STK3: variants seen among roughly 807,000 people sequenced by gnomAD.
STK3 encodes the protein serine/threonine kinase 3.
In STK3, 41 loss-of-function variants were observed where a neutral mutation model predicts 58.0. That is an observed-to-expected ratio of 0.71 (90% CI 0.55 to 0.92). STK3 has a LOEUF of 0.92. Among genes scored for constraint, STK3 ranks in the 40% least tolerant of loss-of-function variants. The pLI is 0.00. For synonymous variants in STK3, 170 were observed against 191.0 expected, an observed-to-expected ratio of 0.89 and a Z score of 0.91; for missense variants, 479 against 602.7, an observed-to-expected ratio of 0.79 and a Z score of 2.15.
At chr8:98,741,979 A>G (rs1303458835) in intron 4 of STK3, among the ~76,000 whole-genome samples, 1 of 152,202 alleles carries the variant, frequency 6.6e-6, no homozygotes, top group East Asian at 1.9e-4. Flanking sequence ...TAGAAAATCT[A>G]GAAGAAATGG....
At chr8:98,399,337 G>T (rs922474984), downstream of STK3, among the ~76,000 whole-genome samples, 1 of 152,216 alleles carries the variant, frequency 6.6e-6, no homozygotes, top group African/African-American at 2.4e-5. Context: ...ACTGTGTGCC[G>T]GGCTACAAGC....
chr8:98,708,806 A>G (rs1826161244), intron 4 of STK3, among the ~76,000 whole-genome samples: 2 of 151,974 alleles, frequency 1.3e-5, no homozygotes, highest in Non-Finnish European at 2.9e-5. Context: ...AAGATATTTT[A>G]TCTTTGTTTT....
chr8:98,765,823 TA>T (rs1830912260), intron 3 of STK3, among the ~76,000 whole-genome samples: 2 of 152,340 alleles, frequency 1.3e-5, no homozygotes, highest in East Asian at 3.9e-4. Flanking sequence ...TGTGGTTAAG[TA>T]ACTTTAGGCT....
At chr8:98,741,090 T>C (rs1829164667) in intron 4 of STK3, among the ~76,000 whole-genome samples, 1 of 152,194 alleles carries the variant, frequency 6.6e-6, no homozygotes, top group Non-Finnish European at 1.5e-5. Context: ...CCCAGATTCA[T>C]AAAGCAAGTC....
At chr8:98,372,971 T>G (rs777808447) in intron 2 of STK3, among the ~76,000 whole-genome samples, 1 of 152,214 alleles carries the variant, frequency 6.6e-6, no homozygotes, top group African/African-American at 2.4e-5. Context: ...CTTACTCTGG[T>G]TATAATGGTT....
chr8:98,636,718 G>A (rs570416036), intron 6 of STK3, among the ~76,000 whole-genome samples: 3 of 151,996 alleles, frequency 2.0e-5, no homozygotes, highest in East Asian at 3.9e-4. Context: ...TCAAAATGAC[G>A]CTTTCAAAAT....
the STK3 span, among the ~76,000 whole-genome samples, chr8:98,347,007 C>G: frequency 2.0e-5 from 3 of 151,138 alleles, no homozygotes; most frequent in East Asian, 1.9e-4. Context: ...TATGTGAAAA[C>G]AAAATGTATA....
chr8:98,456,907 C>T (rs1217479929), intron 10 of STK3, among the ~76,000 whole-genome samples: 1 of 152,204 alleles, frequency 6.6e-6, no homozygotes, highest in Non-Finnish European at 1.5e-5. Flanking sequence ...GTGACTTCTG[C>T]TTCCAAAAAC....
chr8:98,741,728 C>T (rs979292730), intron 4 of STK3, among the ~76,000 whole-genome samples: 1 of 151,896 alleles, frequency 6.6e-6, no homozygotes, highest in African/African-American at 2.4e-5. Context: ...TAGCAGAAGG[C>T]AAGAAATAAC....
intron 1 of STK3, among the ~76,000 whole-genome samples, chr8:98,927,144 C>T (rs1839829997): frequency 6.6e-6 from 1 of 152,240 alleles, no homozygotes; most frequent in Non-Finnish European, 1.5e-5. Context: ...CACTTTAGGG[C>T]TACATTAGGC....
intron 4 of STK3, among the ~76,000 whole-genome samples, chr8:98,715,351 C>T (rs1431014225): frequency 6.6e-6 from 1 of 151,882 alleles, no homozygotes; most frequent in Non-Finnish European, 1.5e-5. Flanking sequence ...AGGCAACCTA[C>T]AGAATGGGAG....
chr8:98,877,711 G>A (rs952915355), intron 3 of STK3, among the ~76,000 whole-genome samples: 5 of 151,968 alleles, frequency 3.3e-5, no homozygotes, highest in African/African-American at 7.3e-5. Context: ...TCGAACTCCC[G>A]ACCTCAGGTG....
At chr8:98,765,438 C>T (rs1207714045) in intron 3 of STK3, among the ~76,000 whole-genome samples, 1 of 152,134 alleles carries the variant, frequency 6.6e-6, no homozygotes, top group Non-Finnish European at 1.5e-5. Flanking sequence ...ATCTATAGAT[C>T]CTATGTATTG....
At chr8:98,441,059 A>G (rs1038416923) in intron 1 of STK3, among the ~76,000 whole-genome samples, 1 of 152,236 alleles carries the variant, frequency 6.6e-6, no homozygotes. Context: ...CCACAACACT[A>G]GAAGGTAGAT....
At chr8:98,544,654 A>G (rs1295125338) in intron 9 of STK3, among the ~76,000 whole-genome samples, 2 of 29,994 alleles carry the variant, frequency 6.7e-5, no homozygotes, top group Non-Finnish European at 1.4e-4. Flanking sequence ...ACTATAACAC[A>G]CACACACACA....
chr8:98,540,074 AACATG>A (rs1810114194), intron 9 of STK3, among the ~76,000 whole-genome samples: 1 of 152,154 alleles, frequency 6.6e-6, no homozygotes, highest in Non-Finnish European at 1.5e-5. Context: ...TTCTTAATAC[AACATG>A]GTCTCCACCT....
At chr8:98,585,639 A>T (rs1270961606) in intron 7 of STK3, among the ~76,000 whole-genome samples, 1 of 150,868 alleles carries the variant, frequency 6.6e-6, no homozygotes, top group African/African-American at 2.4e-5. Flanking sequence ...GAAGAAAGTC[A>T]TTGGTAGCTT....
At chr8:98,887,195 A>ATGACC (rs1443127272) in intron 1 of STK3, among the ~76,000 whole-genome samples, 4 of 152,234 alleles carry the variant, frequency 2.6e-5, no homozygotes, top group Admixed American at 1.3e-4. Flanking sequence ...TTAGGGAATA[A>ATGACC]TGACCAAAAT....
chr8:98,840,254 C>T lies in STK3; in HGVS notation c.110+43393G>A, dbSNP rs758508474. ...TCCAGCCACTCAGGAGGCTGAGGCA[C>T]GAGAATCACTTGAACCCAGTAGGTG... On this transcript the variant is annotated intron_variant, in intron 3 of 12. Coordinates refer to the STK3 transcript ENST00000523601. Among the ~76,000 whole-genome samples, 57 of 148,534 alleles carry T rather than the reference C, an allele frequency of 3.8e-4. No individual in the cohort carries two copies. The Middle Eastern group carries it at 0.014, about 37-fold the overall frequency.
Sources: gnomAD v4.1 joint callset for allele counts (sites outside exome capture counted in the v4.1 genomes callset) on GRCh38, gnomAD v4.1.1 for gene constraint, MANE v1.5 for transcripts, NCBI Gene and HGNC (gene_info 2026-07-23, HGNC 2026-07-21) for gene names.